CDNF: variants seen among roughly 807,000 people sequenced by gnomAD.
The protein encoded by CDNF is ARMET-like protein 1.
CDNF carries 9 observed loss-of-function variants against 14.8 expected under a neutral mutation model. That is an observed-to-expected ratio of 0.61 (90% CI 0.37 to 1.06). The LOEUF (loss-of-function observed/expected upper bound fraction) is 1.06. CDNF is among the 50% of genes least tolerant of loss of function. The pLI, the probability that CDNF is intolerant of heterozygous loss-of-function variation, is 0.01. For synonymous variants in CDNF, 86 were observed against 87.2 expected, an observed-to-expected ratio of 0.99 and a Z score of 0.07; for missense variants, 228 against 228.4, an observed-to-expected ratio of 1.00 and a Z score of 0.01.
At chr10:14,820,515 T>C (rs1588792166) in intron 3 of CDNF, among the ~76,000 whole-genome samples, 1 of 152,036 alleles carries the variant, frequency 6.6e-6, no homozygotes, top group East Asian at 1.9e-4. Context: ...TTGCCTGAGG[T>C]CAGGAATTCG....
chr10:14,838,011 A>T lies in CDNF; in HGVS notation c.-65T>A. The T allele has an allele frequency of 8.1e-7, 1 of 1,230,042 alleles. No individual in the cohort carries two copies. The allele number at this position is 1,230,042 out of a possible 1,614,324, so 76.2% of individuals were successfully genotyped here. A position where few individuals can be genotyped will look rare whatever the true frequency, so the allele number is the denominator to read the frequency against. The stretch of plus-strand genomic sequence containing the variant: ...CACCGCCCACCAAGCTGCCAAAGCG[A>T]GCTGAGCAGAATTCGAGGTTGGAAA... On this transcript the variant is annotated 5_prime_UTR_variant, in exon 1 of 4. Coordinates refer to ENST00000465530, the MANE Select transcript of CDNF (RefSeq NM_001029954.3).
chr10:14,828,114 T>C (rs2131625318), intron 2 of CDNF, 31 bp downstream of exon 2: 1 of 1,610,602 alleles, frequency 6.2e-7, no homozygotes, highest in South Asian at 1.1e-5. Flanking sequence ...TTCAAGCACA[T>C]GGGGAAAATG....
At position 14,828,130 on chromosome 10, in the gene CDNF, T is replaced by C. The variant is rs1409676280; in HGVS notation, c.243+15A>G. 2.5e-6 allele frequency: 4 copies of C among 1,612,042 alleles called. No homozygotes were observed. The highest frequency in any genetic ancestry group is 3.4e-6 in the Non-Finnish European group (4 of 1,179,216). On this transcript the variant is annotated intron_variant, in intron 2 of 3. Transcript: ENST00000465530. ...TCAAGCACATGGGGAAAATGAAAGG[T>C]GAAATTTACTATACCAGGCGGTTTT...
chr10:14,822,913 TA>T (rs1833749588), intron 3 of CDNF, among the ~76,000 whole-genome samples: 1 of 152,220 alleles, frequency 6.6e-6, no homozygotes, highest in South Asian at 2.1e-4. Context: ...CTATCCTTTT[TA>T]AACACAAAGC....
At chr10:14,822,509 G>A (rs1000574552) in intron 3 of CDNF, among the ~76,000 whole-genome samples, 1 of 151,988 alleles carries the variant, frequency 6.6e-6, no homozygotes, top group South Asian at 2.1e-4. Flanking sequence ...CCAGGAGGCT[G>A]AGGTTGCAGT....
intron 1 of CDNF, among the ~76,000 whole-genome samples, chr10:14,832,449 AAGGTTTTGAGTAGAGAAG>A (rs1833851430): frequency 6.6e-6 from 1 of 152,232 alleles, no homozygotes; most frequent in Non-Finnish European, 1.5e-5. Context: ...GAAGCCATTT[AAGGTTTTGAGTAGAGAAG>A]AGTTATGGTC....
chr10:14,832,928 C>T (rs539383762), intron 1 of CDNF, among the ~76,000 whole-genome samples: 8 of 130,300 alleles, frequency 6.1e-5, no homozygotes, highest in Admixed American at 9.7e-5. Flanking sequence ...GGTGCCATTT[C>T]GGCTCACTGC....
chr10:14,828,843 T>TAA (rs145985696), intron 1 of CDNF, among the ~76,000 whole-genome samples: 8 of 146,136 alleles, frequency 5.5e-5, no homozygotes, highest in African/African-American at 1.8e-4. Context: ...TTGTCTCTAC[T>TAA]AAAAAAAAAA....
chr10:14,820,558 C>T (rs1414248007), intron 3 of CDNF, among the ~76,000 whole-genome samples: 1 of 151,950 alleles, frequency 6.6e-6, no homozygotes, highest in Admixed American at 6.6e-5. Context: ...GAAACCACAC[C>T]TCTACTAAAA....
chr10:14,829,275 T>C (rs1218186832), intron 1 of CDNF, among the ~76,000 whole-genome samples: 1 of 152,190 alleles, frequency 6.6e-6, no homozygotes, highest in East Asian at 1.9e-4. Context: ...ATGAAGCCCC[T>C]TGGTGATCTG....
Position 14,819,894 on chromosome 10 carries a change from C to A in CDNF, c.*86G>T. On this transcript the variant is annotated 3_prime_UTR_variant, in exon 4 of 4. Coordinates refer to ENST00000465530, the MANE Select transcript of CDNF (RefSeq NM_001029954.3). Reference sequence around the variant, plus strand: ...AGCATGAGACCAAATATGATGCATTCCCAGTTATCCTTAATCAACATGTCC... The same window carrying A: ...AGCATGAGACCAAATATGATGCATTACCAGTTATCCTTAATCAACATGTCC... The A allele has an allele frequency of 7.6e-7, 1 of 1,310,730 alleles. No homozygotes were observed. The highest frequency in any genetic ancestry group is 1.4e-5 in the South Asian group (1 of 69,516). 81.2% of individuals were successfully genotyped at this position (1,310,730 alleles called of 1,614,324 possible).
intron 1 of CDNF, among the ~76,000 whole-genome samples, chr10:14,837,266 C>T (rs1241361540): frequency 6.6e-6 from 1 of 152,154 alleles, no homozygotes; most frequent in Non-Finnish European, 1.5e-5. Flanking sequence ...ATTCTGACTG[C>T]GAGTTCACAG....
intron 3 of CDNF, among the ~76,000 whole-genome samples, chr10:14,820,832 G>A (rs892279648): frequency 2.0e-5 from 3 of 152,198 alleles, no homozygotes; most frequent in Admixed American, 1.3e-4. Context: ...AATCCCCGCT[G>A]TTGGAGGAGG....
chr10:14,824,435 G>A (rs552463486), intron 3 of CDNF, among the ~76,000 whole-genome samples: 24 of 151,936 alleles, frequency 1.6e-4, no homozygotes, highest in Non-Finnish European at 3.2e-4. Flanking sequence ...GTGAAACCTC[G>A]TCTCTAATAA....
intron 3 of CDNF, among the ~76,000 whole-genome samples, chr10:14,821,721 C>T (rs745574288): frequency 2.8e-4 from 42 of 152,154 alleles, no homozygotes; most frequent in Admixed American, 4.6e-4. Context: ...TGTAGTGCCA[C>T]AATGTTTACT....
chr10:14,823,686 C>T lies in CDNF; in HGVS notation c.385+1793G>A, dbSNP rs535998661. 2.0e-5 allele frequency among the ~76,000 whole-genome samples: 3 copies of T among 152,282 alleles called. No individual in the cohort carries two copies. The South Asian group carries it at 6.2e-4, about 32-fold the overall frequency. On this transcript the variant is annotated intron_variant, in intron 3 of 3. Coordinates refer to ENST00000465530, the MANE Select transcript of CDNF (RefSeq NM_001029954.3). ...AGGACTATAGGCGCTCAACACCACA[C>T]CTGGCTAATTTTTGTATTTTTGTAG...
At chr10:14,836,937 A>C (rs1833893571) in intron 1 of CDNF, among the ~76,000 whole-genome samples, 1 of 152,156 alleles carries the variant, frequency 6.6e-6, no homozygotes, top group African/African-American at 2.4e-5. Context: ...CAAAACAAAA[A>C]CAAAAACAAA....
intron 2 of CDNF, among the ~76,000 whole-genome samples, chr10:14,827,463 A>G (rs954061295): frequency 6.6e-6 from 1 of 152,206 alleles, no homozygotes; most frequent in African/African-American, 2.4e-5. Context: ...TAAATACTTT[A>G]TTAATTATGT....
chr10:14,831,600 GTC>G (rs1420581807), intron 1 of CDNF, among the ~76,000 whole-genome samples: 1 of 150,988 alleles, frequency 6.6e-6, no homozygotes, highest in Non-Finnish European at 1.5e-5. Flanking sequence ...TCAAGATGGA[GTC>G]TCGCTCTGTT....
Sources: allele counts gnomAD v4.1 joint callset (sites outside exome capture counted in the v4.1 genomes callset), GRCh38; gene constraint gnomAD v4.1.1; transcripts MANE v1.5; gene names NCBI Gene and HGNC (gene_info 2026-07-23, HGNC 2026-07-21).